The following COMT variants were observed in gnomAD, a reference collection of about 807,000 sequenced individuals.
COMT encodes catechol O-methyltransferase.
A neutral mutation model predicts 18.9 loss-of-function variants in COMT; 13 were observed. The observed-to-expected ratio is 0.69, with a 90% CI of 0.45 to 1.09. The LOEUF (loss-of-function observed/expected upper bound fraction) is 1.09, where lower values mean the gene tolerates loss of function less well. Ranked by LOEUF, COMT falls within the 50% of genes least tolerant of loss-of-function variation. COMT has a pLI of 0.00. For missense variants in COMT, 329 were observed against 361.8 expected (o/e 0.91, Z 0.73); for synonymous variants, 150 against 160.9 (o/e 0.93, Z 0.51).
chr22:19,966,803 G>A (rs1942423954), intron 5 of COMT, among the ~76,000 whole-genome samples: 1 of 152,138 alleles, frequency 6.6e-6, no homozygotes, highest in African/African-American at 2.4e-5. Context: ...GGAGTGCAGT[G>A]GCGCGATCTT....
chr22:19,961,383 T>C (rs1400353248), intron 2 of COMT, 94 bp downstream of exon 2: 1 of 152,308 alleles, frequency 6.6e-6, no homozygotes, highest in Non-Finnish European at 1.5e-5. Flanking sequence ...ATGTCCACTC[T>C]GCCTGTGTAA....
chr22:19,968,778 G>C lies in COMT; in HGVS notation c.*42G>C. On this transcript the variant is annotated 3_prime_UTR_variant, in exon 6 of 6. Coordinates refer to ENST00000361682, the MANE Select transcript of COMT (RefSeq NM_000754.4). Reference sequence around the variant, plus strand: ...CCTCTCGGGCTCTCTCACCCAGCCTGGTACTGAAGGTGCCAGACGTGCTCC... The same window carrying C: ...CCTCTCGGGCTCTCTCACCCAGCCTCGTACTGAAGGTGCCAGACGTGCTCC... The C allele has an allele frequency of 1.3e-6, 2 of 1,576,224 alleles. No individual in the cohort carries two copies. Among genetic ancestry groups the C allele is most frequent in the Non-Finnish European group, 1.7e-6 (2 of 1,160,470 alleles).
intron 4 of COMT, 122 bp downstream of exon 4, chr22:19,963,881 C>A: frequency 7.7e-7 from 1 of 1,304,328 alleles, no homozygotes; most frequent in South Asian, 1.3e-5. Context: ...CCACTATCAC[C>A]AGGCCCCTCA....
At chr22:19,967,703 G>C (rs531276653) in intron 5 of COMT, 2 of 261,312 alleles carry the variant, frequency 7.7e-6, no homozygotes, top group African/African-American at 4.6e-5. Context: ...GAGATTGCTT[G>C]TTAACTTTTG....
rs14968 is a variant in COMT at position 19,968,910 on chromosome 22, C to CT, written c.*180dup. On this transcript the variant is annotated 3_prime_UTR_variant, in exon 6 of 6. Coordinates refer to ENST00000361682, the MANE Select transcript of COMT (RefSeq NM_000754.4). ...CTCTGAACTGCAACACTGGATTGTT[C>CT]TTTTTTAAGACTCAATCATGACTTC... is the stretch of plus-strand genomic sequence containing the variant. 3.2e-5 allele frequency: 20 copies of CT among 624,560 alleles called. No homozygotes were observed. Among genetic ancestry groups the CT allele is most frequent in the East Asian group, 1.1e-4 (4 of 35,870 alleles). The allele number at this position is 624,560 out of a possible 1,614,324, so 38.7% of individuals were successfully genotyped here.
chr22:19,948,645 G>A (rs1218749660), intron 1 of COMT, among the ~76,000 whole-genome samples: 1 of 152,274 alleles, frequency 6.6e-6, no homozygotes, highest in African/African-American at 2.4e-5. Flanking sequence ...CAGTAACAGA[G>A]TGAGACTCTG....
rs376719571 is a variant in COMT at position 19,947,666 on chromosome 22, A to C, written c.-92+5769A>C. The stretch of plus-strand genomic sequence containing the variant: ...GGCATAGCCAGGTACAGGGTGGAAC[A>C]TGAAAGCGGACCAGGAGCGTGACTG... On this transcript the variant is annotated intron_variant, in intron 1 of 5. Coordinates refer to ENST00000361682, the MANE Select transcript of COMT (RefSeq NM_000754.4). Among the ~76,000 whole-genome samples the C allele has an allele frequency of 3.9e-4, 60 of 152,358 alleles. 3 individuals carry two copies. The highest frequency in any genetic ancestry group is 2.7e-3 in the East Asian group (14 of 5,196).
chr22:19,957,095 T>C (rs1288367290), intron 1 of COMT, among the ~76,000 whole-genome samples: 3 of 151,434 alleles, frequency 2.0e-5, no homozygotes, highest in Non-Finnish European at 2.9e-5. Flanking sequence ...GGACTACAGG[T>C]GCCTGCCACC....
At chr22:19,958,575 TAAAAA>T (rs361574) in intron 1 of COMT, among the ~76,000 whole-genome samples, 2 of 121,664 alleles carry the variant, frequency 1.6e-5, no homozygotes, top group Non-Finnish European at 1.7e-5. Flanking sequence ...TTATTTTCCT[TAAAAA>T]AAAAAAAAAA....
chr22:19,963,276 G>A lies in COMT; in HGVS notation c.290-290G>A. On this transcript the variant is annotated intron_variant, in intron 3 of 5. Transcript: ENST00000361682. ...GGGCAGCTCTGTGTTAGGACACACT[G>A]GGGCCAGCCAGGAAGGGTGGAAAAG... The A allele has an allele frequency of 5.2e-6, 3 of 576,726 alleles. No individual in the cohort carries two copies. The South Asian group carries it at 6.1e-5, about 12-fold the overall frequency. The allele number at this position is 576,726 out of a possible 1,614,324, so 35.7% of individuals were successfully genotyped here. A position where few individuals can be genotyped will look rare whatever the true frequency, so the allele number is the denominator to read the frequency against.
chr22:19,954,643 G>C (rs1942021843), intron 1 of COMT, among the ~76,000 whole-genome samples: 1 of 152,032 alleles, frequency 6.6e-6, no homozygotes, highest in Non-Finnish European at 1.5e-5. Flanking sequence ...ATAGAGACTG[G>C]GGTTTCACCA....
intron 5 of COMT, chr22:19,967,262 G>A (rs1942454827): frequency 1.6e-6 from 2 of 1,267,902 alleles, no homozygotes; most frequent in African/African-American, 3.1e-5. Flanking sequence ...AGAAGTCCAG[G>A]AGCCCAGGCC....
intron 1 of COMT, among the ~76,000 whole-genome samples, chr22:19,952,946 G>A (rs922279789): frequency 6.7e-6 from 1 of 149,780 alleles, no homozygotes; most frequent in Non-Finnish European, 1.5e-5. Context: ...GTGACAGCCC[G>A]TCTCAAAAAA....
chr22:19,963,210 C>T (rs936277635), intron 3 of COMT: 11 of 486,532 alleles, frequency 2.3e-5, no homozygotes, highest in South Asian at 1.3e-4. Context: ...GAACTAGTGC[C>T]GCCCCAGGGC....
chr22:19,956,290 C>T (rs1009096719), intron 1 of COMT, among the ~76,000 whole-genome samples: 4 of 147,602 alleles, frequency 2.7e-5, no homozygotes, highest in African/African-American at 5.0e-5. Flanking sequence ...TACAGGCACA[C>T]ACCACCACGC....
intron 5 of COMT, among the ~76,000 whole-genome samples, chr22:19,966,728 T>C (rs2146186620): frequency 6.6e-6 from 1 of 152,026 alleles, no homozygotes; most frequent in South Asian, 2.1e-4. Context: ...GGTGTGTGCT[T>C]GGTCTGAGGC....
intron 5 of COMT, chr22:19,964,818 C>A: frequency 3.4e-6 from 1 of 292,570 alleles, no homozygotes; most frequent in Non-Finnish European, 6.6e-6. Context: ...GGGCTGTCCT[C>A]GCTTCCCTGG....
chr22:19,946,062 C>T (rs529787200), intron 1 of COMT, among the ~76,000 whole-genome samples: 1 of 152,296 alleles, frequency 6.6e-6, no homozygotes, highest in Admixed American at 6.5e-5. Flanking sequence ...CATCCTTCAG[C>T]AGTTTACTCA....
Position 19,962,956 on chromosome 22 carries a change from T to C in COMT, c.289+141T>C. The C allele has an allele frequency of 3.7e-6, 4 of 1,087,592 alleles. No individual in the cohort carries two copies. In the South Asian group the frequency reaches 6.7e-5, roughly 18 times the overall value. The allele number at this position is 1,087,592 out of a possible 1,614,324, so 67.4% of individuals were successfully genotyped here. ...ATATGCCCAGATAGGGCTGGGGGGC[T>C]CCTCTGGAGTCCCAGGGTGCCAGGG... On this transcript the variant is annotated intron_variant, in intron 3 of 5. Coordinates refer to ENST00000361682, the MANE Select transcript of COMT (RefSeq NM_000754.4).
Sources: gnomAD v4.1 joint callset for allele counts (sites outside exome capture counted in the v4.1 genomes callset) on GRCh38, gnomAD v4.1.1 for gene constraint, MANE v1.5 for transcripts, NCBI Gene and HGNC (gene_info 2026-07-23, HGNC 2026-07-21) for gene names.